TAAR1: variants seen among roughly 807,000 people sequenced by gnomAD.
The protein encoded by TAAR1 is trace amine-associated receptor 1.
In TAAR1, 1 loss-of-function variant was observed where a neutral mutation model predicts 1.2. The ratio of observed to expected loss-of-function variants is 0.81; its 90% confidence interval spans 0.29 to 3.86. The LOEUF (loss-of-function observed/expected upper bound fraction) is 3.86. TAAR1 is among the 30% of genes most tolerant of loss of function. The pLI is 0.18. For missense variants in TAAR1, 445 were observed against 405.6 expected, an observed-to-expected ratio of 1.10 and a Z score of -0.83; for synonymous variants, 153 against 132.2, an observed-to-expected ratio of 1.16 and a Z score of -1.08.
intron 1 of TAAR1, among the ~76,000 whole-genome samples, 65 bp from the exon 2 acceptor site, chr6:132,646,194 C>A (rs772130349): frequency 1.3e-5 from 2 of 152,072 alleles, no homozygotes; most frequent in African/African-American, 2.4e-5. Flanking sequence ...AAAACATTTA[C>A]CTATTACTCT....
At chr6:132,646,977 C>A (rs1777678885) in intron 1 of TAAR1, among the ~76,000 whole-genome samples, 1 of 151,962 alleles carries the variant, frequency 6.6e-6, no homozygotes, top group Admixed American at 6.6e-5. Flanking sequence ...AATAATGGCA[C>A]CTACTAGTGA....
intron 1 of TAAR1, among the ~76,000 whole-genome samples, chr6:132,656,126 C>A (rs1444121245): frequency 1.3e-5 from 2 of 152,092 alleles, no homozygotes; most frequent in Non-Finnish European, 1.5e-5. Flanking sequence ...ACATACTACC[C>A]AGCCTCCAGA....
At chr6:132,654,061 C>CCT (rs758478410) in intron 1 of TAAR1, among the ~76,000 whole-genome samples, 1 of 151,828 alleles carries the variant, frequency 6.6e-6, no homozygotes, top group African/African-American at 2.4e-5. Flanking sequence ...TGGTCCCTAG[C>CCT]CTCTCTCTCT....
In TAAR1 at chr6:132,647,596, G is replaced by C. The variant is rs527393330; in HGVS notation, c.-126-1467C>G. On this transcript the variant is annotated intron_variant, in intron 1 of 1. Coordinates refer to ENST00000275216, the MANE Select transcript of TAAR1 (RefSeq NM_138327.4). ...AGGAAGGAGAAAGGAAAGAAAGAAA[G>C]AGAAAGAAAAAAGAAAGAAAGAAAA... Among the ~76,000 whole-genome samples the C allele has an allele frequency of 1.6e-3, 197 of 121,966 alleles. 4 individuals carry two copies. Among genetic ancestry groups the C allele is most frequent in the East Asian group, 4.8e-4 (2 of 4,190 alleles). 80.0% of individuals were successfully genotyped at this position (121,966 alleles called of 152,430 possible).
At chr6:132,657,469 C>G (rs993118397) in intron 1 of TAAR1, among the ~76,000 whole-genome samples, 2 of 151,298 alleles carry the variant, frequency 1.3e-5, no homozygotes, top group Non-Finnish European at 1.5e-5. Flanking sequence ...TATATAGAGA[C>G]AGAAAGTTGT....
In TAAR1 at chr6:132,647,619, AAAAGGAAAGAAAGAAAG is replaced by A. The variant is rs1171857029; in HGVS notation, c.-126-1507_-126-1491del. On this transcript the variant is annotated intron_variant, in intron 1 of 1. Coordinates refer to ENST00000275216, the MANE Select transcript of TAAR1 (RefSeq NM_138327.4). ...AAGAGAAAGAAAAAAGAAAGAAAGA[AAAAGGAAAGAAAGAAAG>A]AAAGAAAGAAAGAAAGAAAGAAAGA... Among the ~76,000 whole-genome samples the A allele has an allele frequency of 1.1e-3, 127 of 116,014 alleles. 2 individuals carry two copies. Among genetic ancestry groups the A allele is most frequent in the African/African-American group, 3.2e-3 (99 of 30,742 alleles). 76.1% of individuals were successfully genotyped at this position (116,014 alleles called of 152,430 possible). A position where few individuals can be genotyped will look rare whatever the true frequency, so the allele number is the denominator to read the frequency against.
chr6:132,647,626 A>G (rs189032675), intron 1 of TAAR1, among the ~76,000 whole-genome samples: 1 of 56,668 alleles, frequency 1.8e-5, no homozygotes, highest in Non-Finnish European at 3.3e-5. Flanking sequence ...AGAAAAAGGA[A>G]AGAAAGAAAG....
rs150130847 is a variant in TAAR1, at chr6:132,654,581, G to T, written c.-127+4549C>A. On this transcript the variant is annotated intron_variant, in intron 1 of 1. Coordinates refer to ENST00000275216, the MANE Select transcript of TAAR1 (RefSeq NM_138327.4). ...ACTGTATACAGAACAATAAGAAAAC[G>T]TTTGAAACCACAAAATGTTAAATAT... is the stretch of plus-strand genomic sequence containing the variant. Among the ~76,000 whole-genome samples the T allele has an allele frequency of 3.1e-3, 473 of 152,192 alleles. 4 individuals are homozygous for T. The highest frequency in any genetic ancestry group is 0.011 in the African/African-American group (459 of 41,542).
chr6:132,644,535 C>T lies in TAAR1; in HGVS notation c.*449G>A, dbSNP rs947585092. On this transcript the variant is annotated 3_prime_UTR_variant, in exon 2 of 2. Transcript: ENST00000275216. ...AAATTATGTGTCAACAATTATTTAG[C>T]GGTAACATTTAATGTGTGTACTTTT... 2.0e-5 allele frequency among the ~76,000 whole-genome samples: 3 copies of T among 151,918 alleles called. No individual in the cohort carries two copies. The highest frequency in any genetic ancestry group is 1.9e-4 in the East Asian group (1 of 5,190).
intron 1 of TAAR1, among the ~76,000 whole-genome samples, chr6:132,647,617 G>GAA (rs1379864638): frequency 4.1e-4 from 38 of 93,222 alleles, no homozygotes; most frequent in African/African-American, 1.4e-3. Flanking sequence ...AAGAAAGAAA[G>GAA]AAAAAGGAAA....
chr6:132,646,454 A>G (rs1777674040), intron 1 of TAAR1, among the ~76,000 whole-genome samples: 1 of 152,126 alleles, frequency 6.6e-6, no homozygotes, highest in South Asian at 2.1e-4. Context: ...AGTGGGGGAG[A>G]CTTACATTGT....
chr6:132,645,264 C>G lies in TAAR1; in HGVS notation c.740G>C (p.Arg247Thr), dbSNP rs750248607. The G allele has an allele frequency of 1.2e-6, 2 of 1,613,450 alleles. No homozygotes were observed. Among genetic ancestry groups the G allele is most frequent in the Admixed American group, 3.3e-5 (2 of 59,926 alleles). ...MKNGISQSKERKAVKTLGIVM... is the reference protein window; with the variant it reads ...MKNGISQSKETKAVKTLGIVM... Reference sequence around the variant, plus strand: ...AATCCCCAATGTCTTCACAGCTTTCCTTTCTTTGCTTTGTGAAATTCCATT... The same window carrying G: ...AATCCCCAATGTCTTCACAGCTTTCGTTTCTTTGCTTTGTGAAATTCCATT... Residue 247 changes from arginine (R) to threonine (T), a missense_variant, in exon 2 of 2, where the codon AGG (arginine) becomes ACG (threonine). Coordinates refer to ENST00000275216, the MANE Select transcript of TAAR1 (RefSeq NM_138327.4).
At chr6:132,654,301 C>T (rs1777778579) in intron 1 of TAAR1, among the ~76,000 whole-genome samples, 1 of 152,194 alleles carries the variant, frequency 6.6e-6, no homozygotes, top group Non-Finnish European at 1.5e-5. Context: ...CATGTGTTCG[C>T]ATCAGTGTTT....
Position 132,645,119 on chromosome 6 carries a change from C to A in TAAR1, c.885G>T (p.Leu295Phe). 6.2e-7 allele frequency: 1 copy of A among 1,613,034 alleles called. No individual in the cohort carries two copies. Among genetic ancestry groups the A allele is most frequent in the South Asian group, 1.1e-5 (1 of 90,916 alleles). The change falls in exon 2 of 2, where the codon TTG becomes TTT. Residue 295 changes from leucine (L) to phenylalanine (F), a missense_variant. Coordinates refer to ENST00000275216, the MANE Select transcript of TAAR1 (RefSeq NM_138327.4). ...AAACCATTGGATTAAATGTAGAGTT[C>A]AAGTAGCCAAACCAAATCAATACAT... ...LNDVLIWFGY[L>F]NSTFNPMVYA... is the part of the protein sequence containing the mutation.
chr6:132,656,010 G>A (rs1433440419), intron 1 of TAAR1, among the ~76,000 whole-genome samples: 1 of 152,092 alleles, frequency 6.6e-6, no homozygotes, highest in African/African-American at 2.4e-5. Flanking sequence ...GAAATCGAAC[G>A]CTTTGCCCTT....
chr6:132,649,014 C>T (rs1049784498), intron 1 of TAAR1, among the ~76,000 whole-genome samples: 15 of 152,126 alleles, frequency 9.9e-5, no homozygotes, highest in African/African-American at 3.4e-4. Flanking sequence ...CAGGAAATCC[C>T]GGGCAGAGTG....
Position 132,645,358 on chromosome 6 carries a change from T to A in TAAR1, c.646A>T (p.Ile216Phe). The change falls in exon 2 of 2, where the codon ATC becomes TTC. Residue 216 changes from isoleucine to phenylalanine, a missense_variant. Transcript: ENST00000275216. Reference protein sequence around the residue: ...MLCVYYRIYLIAKEQARLISD... With the variant: ...MLCVYYRIYLFAKEQARLISD... ...ATTAATCTTGCCTGTTCTTTAGCGATAAGATATATTCTGTAATAGACACAT... is the reference window on the plus strand; with the variant it reads ...ATTAATCTTGCCTGTTCTTTAGCGAAAAGATATATTCTGTAATAGACACAT... 1.2e-6 allele frequency: 2 copies of A among 1,613,474 alleles called. No homozygotes were observed. The highest frequency in any genetic ancestry group is 1.7e-6 in the Non-Finnish European group (2 of 1,179,730).
At chr6:132,647,631 A>AGAAT (rs1777695281) in intron 1 of TAAR1, among the ~76,000 whole-genome samples, 1 of 84,880 alleles carries the variant, frequency 1.2e-5, no homozygotes, top group Non-Finnish European at 2.3e-5. Flanking sequence ...AAGGAAAGAA[A>AGAAT]GAAAGAAAGA....
At chr6:132,653,968 A>G (rs190944667) in intron 1 of TAAR1, among the ~76,000 whole-genome samples, 1 of 152,338 alleles carries the variant, frequency 6.6e-6, no homozygotes, top group East Asian at 1.9e-4. Flanking sequence ...TAAATCATTT[A>G]AAATGTTCTG....
Sources: gnomAD v4.1 joint callset for allele counts (sites outside exome capture counted in the v4.1 genomes callset) on GRCh38, gnomAD v4.1.1 for gene constraint, MANE v1.5 for transcripts, NCBI Gene and HGNC (gene_info 2026-07-23, HGNC 2026-07-21) for gene names.